The following DNAH11 variants were observed in gnomAD, a reference collection of about 807,000 sequenced individuals.
DNAH11 encodes the protein dynein axonemal heavy chain 11.
A neutral mutation model predicts 526.0 loss-of-function variants in DNAH11; 442 were observed. The observed-to-expected ratio is 0.84, with a 90% confidence interval of 0.78 to 0.91. DNAH11 has a LOEUF of 0.91. Ranked by LOEUF, DNAH11 falls within the 40% of genes least tolerant of loss-of-function variation. The pLI is 0.00. For missense variants in DNAH11, 6,989 were observed against 5,448.7 expected, an observed-to-expected ratio of 1.28 and a Z score of -8.90; for synonymous variants, 2,461 against 1,935.9, an observed-to-expected ratio of 1.27 and a Z score of -7.12.
At chr7:21,594,949 A>G (rs1225106451) in intron 14 of DNAH11, among the ~76,000 whole-genome samples, 2 of 152,134 alleles carry the variant, frequency 1.3e-5, no homozygotes, top group African/African-American at 4.8e-5. Flanking sequence ...TTCTAAAAGG[A>G]TTTCTGGCTG....
Position 21,896,857 on chromosome 7 carries a change from G to A in DNAH11, c.13049+1858G>A, listed in dbSNP as rs185480055. On this transcript the variant is annotated intron_variant, in intron 79 of 81. Transcript: ENST00000409508. Reference sequence around the variant, plus strand: ...GAGGATCACTTGAGCCCAGGAGTTCGAAGCCAGCCTGGGCAACATAATGAG... The same window carrying A: ...GAGGATCACTTGAGCCCAGGAGTTCAAAGCCAGCCTGGGCAACATAATGAG... Among the ~76,000 whole-genome samples, 24 of 152,188 alleles carry A rather than the reference G, an allele frequency of 1.6e-4. No homozygotes were observed. In the East Asian group the frequency reaches 4.1e-3, roughly 26 times the overall value.
At position 21,880,801 on chromosome 7, in the gene DNAH11, C is replaced by T; in HGVS notation, c.12295C>T (p.Pro4099Ser). 1 of 1,613,942 alleles carries T rather than the reference C, an allele frequency of 6.2e-7. No individual in the cohort carries two copies. The highest frequency in any genetic ancestry group is 8.5e-7 in the Non-Finnish European group (1 of 1,179,880). ...ACVAGRLRFG[P>S]QGWSRSYPFN... ...TGTTGCTGGGAGACTGAGGTTTGGC[C>T]CCCAGGGCTGGAGCCGAAGCTATCC... Residue 4099 changes from proline to serine, a missense_variant, in exon 75 of 82, where the codon CCC becomes TCC. Coordinates refer to ENST00000409508, the MANE Select transcript of DNAH11 (RefSeq NM_001277115.2).
At chr7:21,778,765 T>C (rs1787795751) in intron 56 of DNAH11, among the ~76,000 whole-genome samples, 193 bp from the exon 57 acceptor site, 1 of 152,224 alleles carries the variant, frequency 6.6e-6, no homozygotes, top group Admixed American at 6.5e-5. Flanking sequence ...GAAAATATTA[T>C]TCTGTTTGTT....
At chr7:21,609,915 A>G (rs1049687385) in intron 20 of DNAH11, among the ~76,000 whole-genome samples, 1 of 152,164 alleles carries the variant, frequency 6.6e-6, no homozygotes, top group East Asian at 1.9e-4. Context: ...AAGGAAGCCG[A>G]TGAGATCACT....
At chr7:21,855,715 C>T (rs1290733663) in intron 68 of DNAH11, among the ~76,000 whole-genome samples, 2 of 152,120 alleles carry the variant, frequency 1.3e-5, no homozygotes, top group South Asian at 2.1e-4. Context: ...TCTGTTCATC[C>T]GTTTTTAGAC....
At chr7:21,613,015 C>T (rs1055610160) in intron 20 of DNAH11, among the ~76,000 whole-genome samples, 13 of 151,942 alleles carry the variant, frequency 8.6e-5, no homozygotes, top group Admixed American at 5.2e-4. Context: ...GAAAACTCTA[C>T]GTAAAATACT....
intron 28 of DNAH11, among the ~76,000 whole-genome samples, chr7:21,644,445 G>A (rs1352606806): frequency 6.6e-6 from 1 of 152,112 alleles, no homozygotes; most frequent in African/African-American, 2.4e-5. Flanking sequence ...TACGTGCATG[G>A]TAAGTTGAGG....
chr7:21,543,597 G>C lies in DNAH11; in HGVS notation c.351+1G>C. On this transcript the variant is annotated splice_donor_variant, in intron 1 of 81. Transcript: ENST00000409508. LOFTEE classifies it high-confidence loss of function. ...GGGGCGCCTTGCGGCTTCCCAGGAGGTAAGAGGCGACGGGCAAGGGGACCT... is the reference window on the plus strand; with the variant it reads ...GGGGCGCCTTGCGGCTTCCCAGGAGCTAAGAGGCGACGGGCAAGGGGACCT... 1 of 1,586,970 alleles carries C rather than the reference G, an allele frequency of 6.3e-7. No homozygotes were observed. The highest frequency in any genetic ancestry group is 8.6e-7 in the Non-Finnish European group (1 of 1,166,090).
At chr7:21,782,476 C>T (rs745662337) in intron 57 of DNAH11, among the ~76,000 whole-genome samples, 1 of 152,186 alleles carries the variant, frequency 6.6e-6, no homozygotes. Context: ...ATCAGTTGAC[C>T]AACCTGAGAA....
At chr7:21,623,734 A>C (rs969632849) in intron 25 of DNAH11, among the ~76,000 whole-genome samples, 1 of 149,152 alleles carries the variant, frequency 6.7e-6, no homozygotes, top group African/African-American at 2.5e-5. Context: ...CAAGCACTGC[A>C]TGTTCTCACA....
chr7:21,654,767 C>T (rs1024136202), intron 28 of DNAH11, among the ~76,000 whole-genome samples: 1 of 152,134 alleles, frequency 6.6e-6, no homozygotes, highest in Non-Finnish European at 1.5e-5. Flanking sequence ...ACTCAGTCTA[C>T]CTCAAGAGAG....
rs141876706 is a variant in DNAH11 at position 21,741,492 on chromosome 7, A to G, written c.7915-435A>G. Among the ~76,000 whole-genome samples the G allele has an allele frequency of 5.3e-3, 810 of 152,354 alleles. 4 individuals carry two copies. Among genetic ancestry groups the G allele is most frequent in the South Asian group, 6.8e-3 (33 of 4,832 alleles). ...CTACCCCCAGCATACATTCAGTAGC[A>G]TACAGTGGTTGCTTACGCATCTGGA... On this transcript the variant is annotated intron_variant, in intron 48 of 81. Coordinates refer to ENST00000409508, the MANE Select transcript of DNAH11 (RefSeq NM_001277115.2).
intron 30 of DNAH11, among the ~76,000 whole-genome samples, chr7:21,674,720 C>T (rs796824625): frequency 1.3e-5 from 2 of 152,012 alleles, no homozygotes; most frequent in Admixed American, 1.3e-4. Flanking sequence ...TCCTTTGCTC[C>T]AGTCTACATC....
At chr7:21,670,088 A>G (rs1331306666) in intron 30 of DNAH11, among the ~76,000 whole-genome samples, 1 of 152,144 alleles carries the variant, frequency 6.6e-6, no homozygotes, top group Non-Finnish European at 1.5e-5. Context: ...GCCTAATTAA[A>G]TTGCGACTGG....
chr7:21,742,831 C>G (rs1785969913), intron 49 of DNAH11, among the ~76,000 whole-genome samples: 1 of 152,140 alleles, frequency 6.6e-6, no homozygotes, highest in East Asian at 1.9e-4. Flanking sequence ...GCTTCCGTGA[C>G]AAAATACCCG....
At chr7:21,800,050 C>G (rs1347904284) in intron 61 of DNAH11, among the ~76,000 whole-genome samples, 1 of 152,182 alleles carries the variant, frequency 6.6e-6, no homozygotes, top group Non-Finnish European at 1.5e-5. Flanking sequence ...GGCACAAAGA[C>G]AAACTCATGG....
intron 65 of DNAH11, among the ~76,000 whole-genome samples, chr7:21,828,729 T>C (rs544989905): frequency 4.0e-5 from 6 of 150,950 alleles, no homozygotes; most frequent in Non-Finnish European, 5.9e-5. Context: ...AGAAATAATC[T>C]ACTTATGACT....
At chr7:21,757,289 T>G (rs986972671) in intron 54 of DNAH11, among the ~76,000 whole-genome samples, 1 of 152,232 alleles carries the variant, frequency 6.6e-6, no homozygotes, top group Non-Finnish European at 1.5e-5. Context: ...ATTTATTTAT[T>G]TATGCAATGG....
intron 44 of DNAH11, among the ~76,000 whole-genome samples, chr7:21,725,012 G>T (rs1430518583): frequency 3.3e-5 from 1 of 30,340 alleles, no homozygotes; most frequent in South Asian, 1.6e-3. Context: ...GATATAGAAG[G>T]GTTTTTCTAG....
Sources: allele counts gnomAD v4.1 joint callset (sites outside exome capture counted in the v4.1 genomes callset), GRCh38; gene constraint gnomAD v4.1.1; transcripts MANE v1.5; gene names NCBI Gene and HGNC (gene_info 2026-07-23, HGNC 2026-07-21).